Variants in SI observed in about 807,000 individuals in gnomAD.
The protein encoded by SI is sucrase-isomaltase.
In SI, 235 loss-of-function variants were observed where a neutral mutation model predicts 253.3. That is an observed-to-expected ratio of 0.93 (90% CI 0.83 to 1.03). The LOEUF (loss-of-function observed/expected upper bound fraction) is 1.03. SI is among the 50% of genes least tolerant of loss of function. The probability of loss-of-function intolerance (pLI) is 0.00; values close to 1 mark genes in which losing one functional copy is unlikely to be tolerated. For synonymous variants in SI, 819 were observed against 712.0 expected (o/e 1.15, Z -2.39); for missense variants, 2,442 against 2,211.1 (o/e 1.10, Z -2.09).
chr3:165,008,606 T>C (rs942636234), intron 35 of SI, among the ~76,000 whole-genome samples: 1 of 152,042 alleles, frequency 6.6e-6, no homozygotes, highest in Non-Finnish European at 1.5e-5. Context: ...TAAACATAGA[T>C]GTTCCATGAA....
intron 20 of SI, 91 bp downstream of exon 20, chr3:165,038,987 T>C (rs1712677619): frequency 2.6e-6 from 2 of 766,130 alleles, no homozygotes; most frequent in South Asian, 1.6e-5. Flanking sequence ...ATGTATGCTA[T>C]GTAGTTAAGT....
the SI span, among the ~76,000 whole-genome samples, chr3:165,085,724 C>CT: frequency 6.6e-6 from 1 of 152,092 alleles, no homozygotes; most frequent in Admixed American, 6.6e-5. Flanking sequence ...ATTTATTAAA[C>CT]TTTTTATGAA....
intron 13 of SI, among the ~76,000 whole-genome samples, chr3:165,054,010 A>G (rs1713563697): frequency 6.6e-6 from 1 of 152,052 alleles, no homozygotes; most frequent in Non-Finnish European, 1.5e-5. Flanking sequence ...GGAATCCTGA[A>G]GATTATGCTA....
chr3:165,027,448 G>A (rs1711989437), intron 25 of SI, among the ~76,000 whole-genome samples: 1 of 150,928 alleles, frequency 6.6e-6, no homozygotes, highest in Non-Finnish European at 1.5e-5. Context: ...CCCCTAAATT[G>A]TTCTATGAAG....
At chr3:164,998,499 G>C (rs754758090) in intron 38 of SI, 41 bp downstream of exon 38, 37 of 1,605,684 alleles carry the variant, frequency 2.3e-5, no homozygotes, top group Non-Finnish European at 3.1e-5. Flanking sequence ...GTATCTAATA[G>C]AAAACACAAA....
In SI at chr3:164,994,499, T is replaced by C. The variant is rs965017280; in HGVS notation, c.4693-94A>G. On this transcript the variant is annotated intron_variant, in intron 40 of 47. Coordinates refer to ENST00000264382, the MANE Select transcript of SI (RefSeq NM_001041.4). ...ATTTGAAGAACTAAAAAGTAAGACATGATATTAATTGATTGTCATGTGCTA... is the reference window on the plus strand; with the variant it reads ...ATTTGAAGAACTAAAAAGTAAGACACGATATTAATTGATTGTCATGTGCTA... 4.0e-6 allele frequency: 5 copies of C among 1,262,572 alleles called. 1 individual carries two copies. Among genetic ancestry groups the C allele is most frequent in the Non-Finnish European group, 5.8e-6 (5 of 868,992 alleles). The allele number at this position is 1,262,572 out of a possible 1,614,324, so 78.2% of individuals were successfully genotyped here.
At chr3:165,006,073 G>C (rs1559985679) in intron 37 of SI, among the ~76,000 whole-genome samples, 1 of 152,088 alleles carries the variant, frequency 6.6e-6, no homozygotes, top group Admixed American at 6.6e-5. Flanking sequence ...CATTAAAAGT[G>C]CTCTAATTTA....
intron 12 of SI, 108 bp downstream of exon 12, chr3:165,058,855 G>GACACACACAC: frequency 1.6e-5 from 3 of 192,612 alleles, no homozygotes; most frequent in South Asian, 8.4e-5. Context: ...CTTGAAAGCA[G>GACACACACAC]ACATACACAC....
chr3:165,012,169 T>G (rs1275382537), intron 34 of SI, among the ~76,000 whole-genome samples: 1 of 152,150 alleles, frequency 6.6e-6, no homozygotes, highest in Admixed American at 6.6e-5. Context: ...ATGATTCAAC[T>G]TACATGAAGT....
chr3:164,991,098 A>G (rs78011775), intron 44 of SI, among the ~76,000 whole-genome samples: 7,856 of 152,134 alleles, frequency 0.052, 679 homozygotes, highest in African/African-American at 0.18. Context: ...CATGTGCAAC[A>G]TCTGCCTGGG....
chr3:164,999,824 C>G (rs1435042867), intron 37 of SI, among the ~76,000 whole-genome samples: 1 of 151,594 alleles, frequency 6.6e-6, no homozygotes, highest in South Asian at 2.1e-4. Flanking sequence ...ACAGACATAA[C>G]ATATTGAACC....
chr3:165,042,439 C>T (rs1263942695), intron 17 of SI, among the ~76,000 whole-genome samples: 2 of 152,002 alleles, frequency 1.3e-5, no homozygotes, highest in East Asian at 1.9e-4. Flanking sequence ...CTATTCTCTC[C>T]GAAAAACATG....
chr3:165,070,972 A>G (rs1350133926), intron 3 of SI, among the ~76,000 whole-genome samples: 1 of 151,924 alleles, frequency 6.6e-6, no homozygotes, highest in Non-Finnish European at 1.5e-5. Flanking sequence ...CTTGGCTTAT[A>G]GGCGCCTTTT....
At chr3:165,032,114 G>T (rs991536098) in intron 24 of SI, among the ~76,000 whole-genome samples, 1 of 151,180 alleles carries the variant, frequency 6.6e-6, no homozygotes, top group Non-Finnish European at 1.5e-5. Flanking sequence ...AAAGAAACAG[G>T]AGAAAGACTA....
chr3:165,072,476 T>A (rs999737809), intron 3 of SI, among the ~76,000 whole-genome samples: 1 of 152,122 alleles, frequency 6.6e-6, no homozygotes, highest in East Asian at 1.9e-4. Context: ...ATTTGAAAAT[T>A]GCAACATCTC....
chr3:165,018,942 G>A (rs547670864), intron 28 of SI, among the ~76,000 whole-genome samples: 4 of 151,634 alleles, frequency 2.6e-5, no homozygotes, highest in African/African-American at 9.7e-5. Context: ...CTTATAGTAT[G>A]GTACTGAGTA....
At chr3:165,088,722 A>C in the SI span, among the ~76,000 whole-genome samples, 1 of 152,092 alleles carries the variant, frequency 6.6e-6, no homozygotes. Flanking sequence ...TAAAATTCAG[A>C]ATTCAGAACC....
Position 165,065,331 on chromosome 3 carries a change from T to C in SI, c.737A>G (p.His246Arg). The C allele has an allele frequency of 1.9e-6, 3 of 1,607,296 alleles. No homozygotes were observed. The highest frequency in any genetic ancestry group is 1.3e-5 in the African/African-American group (1 of 74,728). ...GGATAAATCATGACGAAATCTCTTA[T>C]GAACTTGTTCTCCAATACCATAAAT... ...DYIYGIGEQV[H>R]KRFRHDLSWK... Residue 246 changes from histidine to arginine, a missense_variant, in exon 7 of 48, where the codon CAT becomes CGT. By Grantham distance (29) the His-to-Arg change is conservative. Transcript: ENST00000264382.
chr3:165,031,869 A>C (rs1473616581), intron 24 of SI, among the ~76,000 whole-genome samples: 1 of 151,274 alleles, frequency 6.6e-6, no homozygotes, highest in African/African-American at 2.4e-5. Context: ...GAGAAAGCTA[A>C]AATAATGAGA....
Sources: gnomAD v4.1 joint callset for allele counts (sites outside exome capture counted in the v4.1 genomes callset) on GRCh38, gnomAD v4.1.1 for gene constraint, MANE v1.5 for transcripts, NCBI Gene and HGNC (gene_info 2026-07-23, HGNC 2026-07-21) for gene names.